Variants in GRIK4 observed in about 807,000 individuals in gnomAD.
The protein encoded by GRIK4 is glutamate receptor ionotropic, kainate 4.
GRIK4 carries 40 observed loss-of-function variants against 104.9 expected under a neutral mutation model. That is an observed-to-expected ratio of 0.38 (90% CI 0.30 to 0.50). The LOEUF is 0.50. Among genes scored for constraint, GRIK4 ranks in the 20% least tolerant of loss-of-function variants. The probability of loss-of-function intolerance (pLI) is 0.93; values close to 1 mark genes in which losing one functional copy is unlikely to be tolerated. For missense variants in GRIK4, 1,047 were observed against 1,308.1 expected (o/e 0.80, Z 3.08); for synonymous variants, 485 against 524.9 (o/e 0.92, Z 1.04).
intron 1 of GRIK4, among the ~76,000 whole-genome samples, chr11:120,523,287 A>G (rs533722817): frequency 6.6e-6 from 1 of 151,762 alleles, no homozygotes; most frequent in African/African-American, 2.4e-5. Flanking sequence ...GTGGGGTGCA[A>G]ATTGGCAGTA....
At chr11:120,723,154 C>G (rs914357329) in intron 3 of GRIK4, among the ~76,000 whole-genome samples, 3 of 152,174 alleles carry the variant, frequency 2.0e-5, no homozygotes, top group Non-Finnish European at 4.4e-5. Context: ...GTCAATGTCT[C>G]TCTAGTTATT....
At chr11:120,977,119 C>T (rs979245300) in intron 19 of GRIK4, among the ~76,000 whole-genome samples, 7 of 152,132 alleles carry the variant, frequency 4.6e-5, no homozygotes, top group African/African-American at 1.7e-4. Context: ...GGGCAATCTG[C>T]GGGTGACACC....
Position 120,905,220 on chromosome 11 carries a change from C to A in GRIK4, c.1273-70C>A. ...CCTCCCCGACCCTCTGTGCCCCTGG[C>A]CCTCCCCATCACACGCGGGTGAGAC... On this transcript the variant is annotated intron_variant, in intron 12 of 20. Transcript: ENST00000527524. This position sits in a 1 kb window ranked among gnomAD's most constrained non-coding sequence, Gnocchi z 5.1. The A allele has an allele frequency of 2.6e-6, 3 of 1,133,066 alleles. No individual in the cohort carries two copies. Among genetic ancestry groups the A allele is most frequent in the Non-Finnish European group, 4.0e-6 (3 of 745,982 alleles). The allele number at this position is 1,133,066 out of a possible 1,614,324, so 70.2% of individuals were successfully genotyped here. A position where few individuals can be genotyped will look rare whatever the true frequency, so the allele number is the denominator to read the frequency against.
At chr11:120,606,112 C>T (rs36036422) in intron 1 of GRIK4, among the ~76,000 whole-genome samples, 5,550 of 152,294 alleles carry the variant, frequency 0.036, 134 homozygotes, top group East Asian at 0.056. Flanking sequence ...AACTGATTTC[C>T]AGTCTCATAA....
intron 11 of GRIK4, among the ~76,000 whole-genome samples, chr11:120,878,464 C>T (rs1388478680): frequency 6.6e-6 from 1 of 152,206 alleles, no homozygotes; most frequent in Non-Finnish European, 1.5e-5. Context: ...TCTCCACATC[C>T]TACCCCCATC....
At chr11:120,656,896 A>C (rs548597499) in intron 2 of GRIK4, among the ~76,000 whole-genome samples, 1 of 152,218 alleles carries the variant, frequency 6.6e-6, no homozygotes, top group Non-Finnish European at 1.5e-5. Flanking sequence ...CTTTGGGGCC[A>C]TGAGCAGCTT....
In GRIK4 at chr11:120,930,003, G is replaced by GT. The variant is rs11378503; in HGVS notation, c.1477-10344_1477-10343insT. On this transcript the variant is annotated intron_variant, in intron 13 of 20. Coordinates refer to ENST00000527524, the MANE Select transcript of GRIK4 (RefSeq NM_014619.5). ...AGGGGCTCGAGGGCAGGCCACGTTTGGGGGGGGGGTCCCCTCCTTACCCAC... is the reference window on the plus strand; with the variant it reads ...AGGGGCTCGAGGGCAGGCCACGTTTGTGGGGGGGGGTCCCCTCCTTACCCAC... 1.2e-3 allele frequency among the ~76,000 whole-genome samples: 137 copies of GT among 110,722 alleles called. 1 individual carries two copies. The highest frequency in any genetic ancestry group is 5.8e-3 in the African/African-American group (128 of 22,086). The allele number at this position is 110,722 out of a possible 152,430, so 72.6% of individuals were successfully genotyped here.
chr11:120,944,883 T>C (rs78537781), intron 14 of GRIK4, among the ~76,000 whole-genome samples: 1 of 151,280 alleles, frequency 6.6e-6, no homozygotes, highest in Admixed American at 6.6e-5. Context: ...AGAATACATA[T>C]GTAATACACT....
At chr11:120,601,622 T>C (rs2135130405) in intron 1 of GRIK4, among the ~76,000 whole-genome samples, 1 of 149,946 alleles carries the variant, frequency 6.7e-6, no homozygotes, top group African/African-American at 2.5e-5. Flanking sequence ...GGTTTTTTTT[T>C]GGTTCTGTTG....
At chr11:120,608,299 C>T (rs1948987139) in intron 1 of GRIK4, among the ~76,000 whole-genome samples, 1 of 152,126 alleles carries the variant, frequency 6.6e-6, no homozygotes, top group Non-Finnish European at 1.5e-5. Context: ...CCAGCCTGGA[C>T]AATGCAGTGA....
intron 16 of GRIK4, among the ~76,000 whole-genome samples, chr11:120,958,388 G>A (rs1944214518): frequency 2.0e-5 from 3 of 152,346 alleles, no homozygotes; most frequent in South Asian, 4.1e-4. Context: ...GCAAGCCGCC[G>A]TGACAGGCCT....
chr11:120,711,444 G>A (rs1950733844), intron 3 of GRIK4, among the ~76,000 whole-genome samples: 2 of 152,052 alleles, frequency 1.3e-5, no homozygotes, highest in African/African-American at 4.8e-5. Flanking sequence ...TCATCCTGGC[G>A]GGACCCATCC....
chr11:120,745,127 G>T (rs1237744407), intron 3 of GRIK4, among the ~76,000 whole-genome samples: 2 of 152,196 alleles, frequency 1.3e-5, no homozygotes, highest in African/African-American at 4.8e-5. Flanking sequence ...TGACAGCTGG[G>T]GAGAGGCCTC....
intron 2 of GRIK4, among the ~76,000 whole-genome samples, chr11:120,658,727 CTTTTTTTTTTTTTTT>C (rs71050753): frequency 1.6e-4 from 9 of 56,740 alleles, no homozygotes; most frequent in East Asian, 7.0e-4. Flanking sequence ...GAGGACGAAA[CTTTTTTTTTTTTTTT>C]TTTTTTTTTT....
intron 1 of GRIK4, among the ~76,000 whole-genome samples, chr11:120,643,426 C>T (rs906444222): frequency 6.6e-6 from 1 of 152,200 alleles, no homozygotes; most frequent in Non-Finnish European, 1.5e-5. Context: ...TGGGACCCAG[C>T]GTTGCCTGTG....
intron 3 of GRIK4, among the ~76,000 whole-genome samples, chr11:120,716,739 A>G (rs1473544369): frequency 6.6e-6 from 1 of 152,126 alleles, no homozygotes; most frequent in East Asian, 1.9e-4. Context: ...CTGCACAGGA[A>G]TCCTTCCAGC....
At chr11:120,796,175 A>G (rs1952510663) in intron 3 of GRIK4, among the ~76,000 whole-genome samples, 1 of 151,640 alleles carries the variant, frequency 6.6e-6, no homozygotes, top group Admixed American at 6.6e-5. Context: ...AGCTGGGACT[A>G]CATGTGCCCG....
chr11:120,896,277 C>G (rs1942578772), intron 11 of GRIK4, among the ~76,000 whole-genome samples: 2 of 152,238 alleles, frequency 1.3e-5, no homozygotes, highest in Non-Finnish European at 2.9e-5. Context: ...GGCCTCTCAG[C>G]TGACAGGCTC....
At chr11:120,539,347 CA>C (rs1948009113) in intron 1 of GRIK4, among the ~76,000 whole-genome samples, 2 of 152,214 alleles carry the variant, frequency 1.3e-5, no homozygotes, top group Non-Finnish European at 2.9e-5. Flanking sequence ...GAGCCGGGAG[CA>C]TCTTTAACTA....
Sources: gnomAD v4.1 joint callset for allele counts (sites outside exome capture counted in the v4.1 genomes callset) on GRCh38, gnomAD v4.1.1 for gene constraint, Gnocchi (gnomAD v3.1) non-coding constraint, MANE v1.5 for transcripts, NCBI Gene and HGNC (gene_info 2026-07-23, HGNC 2026-07-21) for gene names.